ESRRG: variants seen among roughly 807,000 people sequenced by gnomAD.
ESRRG encodes the protein estrogen related receptor gamma, also known as estrogen-related receptor gamma.
ESRRG carries 13 observed loss-of-function variants against 44.0 expected under a neutral mutation model. The ratio of observed to expected loss-of-function variants is 0.30; its 90% CI spans 0.19 to 0.47. The LOEUF is 0.47. ESRRG is among the 20% of genes least tolerant of loss of function. The pLI is 1.00. For synonymous variants in ESRRG, 215 were observed against 214.6 expected, an observed-to-expected ratio of 1.00 and a Z score of -0.02; for missense variants, 395 against 580.6, an observed-to-expected ratio of 0.68 and a Z score of 3.29.
chr1:217,015,045 AAAG>A (rs1270887404), intron 1 of ESRRG, among the ~76,000 whole-genome samples: 2 of 152,300 alleles, frequency 1.3e-5, no homozygotes, highest in African/African-American at 4.8e-5. Flanking sequence ...CTCTGAAAAT[AAAG>A]AAGATCAACC....
At chr1:217,064,270 A>G (rs1477638825) in intron 1 of ESRRG, among the ~76,000 whole-genome samples, 1 of 152,082 alleles carries the variant, frequency 6.6e-6, no homozygotes, top group African/African-American at 2.4e-5. Context: ...ATGTATGTAT[A>G]TATGTATGTT....
chr1:217,104,812 T>C (rs1032463632), intron 1 of ESRRG, among the ~76,000 whole-genome samples: 1 of 152,200 alleles, frequency 6.6e-6, no homozygotes, highest in South Asian at 2.1e-4. Context: ...TTGTATCCAA[T>C]ATTTTTTAAT....
At chr1:216,938,390 A>G (rs1643997187) in intron 2 of ESRRG, among the ~76,000 whole-genome samples, 1 of 152,188 alleles carries the variant, frequency 6.6e-6, no homozygotes. Context: ...ATGATATCCC[A>G]GAATCATGTA....
intron 5 of ESRRG, among the ~76,000 whole-genome samples, chr1:216,553,792 T>C (rs954054585): frequency 1.3e-5 from 2 of 152,122 alleles, no homozygotes; most frequent in Non-Finnish European, 2.9e-5. Context: ...ACCTTGTATA[T>C]CATTCCTGAC....
At chr1:216,682,878 T>C (rs78719635) in intron 1 of ESRRG, among the ~76,000 whole-genome samples, 2,134 of 152,042 alleles carry the variant, frequency 0.014, 39 homozygotes, top group African/African-American at 0.049. Context: ...TGAGCTTTTT[T>C]CCCCCCTGCT....
intron 2 of ESRRG, among the ~76,000 whole-genome samples, chr1:216,657,752 T>C (rs1346755732): frequency 6.6e-6 from 1 of 152,224 alleles, no homozygotes; most frequent in South Asian, 2.1e-4. Context: ...TTGGCTCTTA[T>C]CAAAGCAATT....
At chr1:216,752,725 G>C (rs2092135399) in intron 2 of ESRRG, among the ~76,000 whole-genome samples, 1 of 152,078 alleles carries the variant, frequency 6.6e-6, no homozygotes, top group Non-Finnish European at 1.5e-5. Context: ...TAGAACAGTA[G>C]AGTGTAGTGG....
chr1:216,692,332 G>A (rs1336705047), intron 1 of ESRRG, among the ~76,000 whole-genome samples: 1 of 151,110 alleles, frequency 6.6e-6, no homozygotes, highest in Admixed American at 6.6e-5. Flanking sequence ...GTGTGTGTGT[G>A]TGTGTGTGTG....
chr1:217,071,873 T>C (rs538276864), intron 1 of ESRRG, among the ~76,000 whole-genome samples: 281 of 152,288 alleles, frequency 1.8e-3, no homozygotes, highest in Non-Finnish European at 3.3e-3. Flanking sequence ...CGCAGATACA[T>C]GAGCCAGAAT....
chr1:216,727,996 T>G (rs549179120), upstream of ESRRG, among the ~76,000 whole-genome samples: 1 of 152,328 alleles, frequency 6.6e-6, no homozygotes, highest in South Asian at 2.1e-4. Context: ...TTTGTCAAAC[T>G]AATAATACAC....
At chr1:217,042,484 ACACACACACACAC>A (rs2084054738) in intron 1 of ESRRG, among the ~76,000 whole-genome samples, 2 of 58,900 alleles carry the variant, frequency 3.4e-5, no homozygotes, top group Middle Eastern at 0.017. Flanking sequence ...ACACACACAC[ACACACACACACAC>A]ACACACACAC....
Position 216,746,152 on chromosome 1 carries a change from C to T in ESRRG, c.-13-68661G>A, listed in dbSNP as rs561164309. On this transcript the variant is annotated intron_variant, in intron 2 of 7. Transcript: ENST00000359162. ...AGTAGATATTATGGTGATAATGATT[C>T]TGATTTTATGAAGAAATAAAAAGAA... Among the ~76,000 whole-genome samples the T allele has an allele frequency of 4.6e-5, 7 of 152,222 alleles. No homozygotes were observed. The South Asian group carries it at 1.0e-3, about 23-fold the overall frequency.
rs985390137 is a variant in ESRRG at position 216,860,613 on chromosome 1, A to C, written c.-14+78969T>G. Among the ~76,000 whole-genome samples the C allele has an allele frequency of 4.6e-5, 7 of 152,306 alleles. No homozygotes were observed. In the East Asian group the frequency reaches 1.4e-3, roughly 29 times the overall value. On this transcript the variant is annotated intron_variant, in intron 2 of 7. Coordinates refer to the ESRRG transcript ENST00000359162. Reference sequence around the variant, plus strand: ...ATATTGGAACAATATATTTAAAGAAAGAAAAAACTGTCAACTGAGAATTTG... The same window carrying C: ...ATATTGGAACAATATATTTAAAGAACGAAAAAACTGTCAACTGAGAATTTG...
At chr1:216,609,130 G>A (rs1374664951) in intron 3 of ESRRG, among the ~76,000 whole-genome samples, 1 of 152,124 alleles carries the variant, frequency 6.6e-6, no homozygotes, top group African/African-American at 2.4e-5. Context: ...CATACCAGCT[G>A]TGCTTGTTAA....
At chr1:217,080,961 G>A (rs920107214) in intron 1 of ESRRG, among the ~76,000 whole-genome samples, 3 of 151,930 alleles carry the variant, frequency 2.0e-5, no homozygotes, top group Non-Finnish European at 4.4e-5. Flanking sequence ...ACAGGCGTGA[G>A]CCACCGCGCC....
At chr1:216,592,652 C>T (rs1306407970) in intron 3 of ESRRG, among the ~76,000 whole-genome samples, 1 of 152,080 alleles carries the variant, frequency 6.6e-6, no homozygotes, top group Non-Finnish European at 1.5e-5. Flanking sequence ...AGGCATGCAC[C>T]ACCACGCCCA....
chr1:216,705,492 G>T (rs1228087662), intron 1 of ESRRG, among the ~76,000 whole-genome samples: 1 of 151,942 alleles, frequency 6.6e-6, no homozygotes, highest in African/African-American at 2.4e-5. Flanking sequence ...CTTTTCTTCA[G>T]TTACACTTCC....
intron 2 of ESRRG, among the ~76,000 whole-genome samples, chr1:216,776,947 A>C (rs1011673508): frequency 2.0e-5 from 3 of 152,118 alleles, no homozygotes; most frequent in African/African-American, 7.2e-5. Flanking sequence ...GTTGGAAGAC[A>C]AACGAGGGCA....
At position 216,703,659 on chromosome 1, in the gene ESRRG, ATGTGTGTGTGTGTG is replaced by A. The variant is rs67638063; in HGVS notation, c.56+19571_56+19584del. On this transcript the variant is annotated intron_variant, in intron 1 of 6. Transcript: ENST00000408911. Reference sequence around the variant, plus strand: ...ATGGCATGTTTTCAAAGCTGGATAGATGTGTGTGTGTGTGTGTGTGTGTGTATGTTTGTGTGTGT... The same window carrying A: ...ATGGCATGTTTTCAAAGCTGGATAGATGTGTGTGTGTATGTTTGTGTGTGT... Among the ~76,000 whole-genome samples, 4 of 148,868 alleles carry A rather than the reference ATGTGTGTGTGTGTG, an allele frequency of 2.7e-5. No individual in the cohort carries two copies. In the East Asian group the frequency reaches 6.0e-4, roughly 22 times the overall value.
Sources: gnomAD v4.1 joint callset for allele counts (sites outside exome capture counted in the v4.1 genomes callset) on GRCh38, gnomAD v4.1.1 for gene constraint, MANE v1.5 for transcripts, NCBI Gene and HGNC (gene_info 2026-07-23, HGNC 2026-07-21) for gene names.